The following MYOM3 variants were observed in gnomAD, a reference collection of about 807,000 sequenced individuals.
MYOM3 encodes myomesin-3.
In MYOM3, 155 loss-of-function variants were observed where a neutral mutation model predicts 191.7. That is an observed-to-expected ratio of 0.81 (90% confidence interval 0.71 to 0.92). The LOEUF (loss-of-function observed/expected upper bound fraction) is 0.92. Ranked by LOEUF, MYOM3 falls within the 40% of genes least tolerant of loss-of-function variation. MYOM3 has a pLI of 0.00. For missense variants in MYOM3, 1,889 were observed against 1,890.6 expected, an observed-to-expected ratio of 1.00 and a Z score of 0.02; for synonymous variants, 757 against 762.9, an observed-to-expected ratio of 0.99 and a Z score of 0.13.
Position 24,067,067 on chromosome 1 carries a change from A to G in MYOM3, c.3377T>C (p.Leu1126Ser). 6.3e-7 allele frequency: 1 copy of G among 1,579,112 alleles called. No individual in the cohort carries two copies. The highest frequency in any genetic ancestry group is 8.6e-7 in the Non-Finnish European group (1 of 1,160,240). The part of the protein sequence containing the change: ...RKQGPYFERP[L>S]QWKVTEDCQV... ...GCAGTCCTCCGTGACCTTCCACTGC[A>G]ACGGCCGCTCAAAATAGGGACCTGT... Residue 1126 changes from leucine to serine, a missense_variant, in exon 28 of 37, where the codon TTG becomes TCG. Physicochemically the swap from Leu to Ser is moderately radical, Grantham distance 145. Transcript: ENST00000374434.
intron 11 of MYOM3, 35 bp downstream of exon 11, chr1:24,092,139 C>T (rs200680010): frequency 7.0e-7 from 1 of 1,419,710 alleles, no homozygotes; most frequent in Non-Finnish European, 9.3e-7. Context: ...AGAATTCTAC[C>T]CCTAGGGCCT....
At position 24,093,095 on chromosome 1, in the gene MYOM3, C is replaced by T. The variant is rs1221319320; in HGVS notation, c.942G>A (p.Arg314=). 1.9e-6 allele frequency: 3 copies of T among 1,609,254 alleles called. No homozygotes were observed. Among genetic ancestry groups the T allele is most frequent in the East Asian group, 2.2e-5 (1 of 44,798 alleles). The part of the protein sequence containing the change: ...IQWFRDGSLL[R]SSRRRKILYT... ...AGAGGATCTTCCGACGTCTCGAGGA[C>T]CTCAGTAGGCTCCCTGTGGAGGGGA... The change falls in exon 10 of 37, where the codon AGG becomes AGA. Residue 314 remains arginine (R), a synonymous_variant. Coordinates refer to ENST00000374434, the MANE Select transcript of MYOM3 (RefSeq NM_152372.4).
intron 10 of MYOM3, among the ~76,000 whole-genome samples, 194 bp from the exon 11 acceptor site, chr1:24,092,509 TGG>T (rs1430076714): frequency 6.6e-6 from 1 of 152,166 alleles, no homozygotes; most frequent in Non-Finnish European, 1.5e-5. Flanking sequence ...TACCATTTCT[TGG>T]GGGCCCATTT....
intron 20 of MYOM3, among the ~76,000 whole-genome samples, chr1:24,077,257 C>A (rs893473619): frequency 6.6e-6 from 1 of 152,222 alleles, no homozygotes; most frequent in Non-Finnish European, 1.5e-5. Flanking sequence ...TCTTCTCCCC[C>A]AGTCTGTCTT....
In MYOM3 at chr1:24,057,410, C is replaced by T; in HGVS notation, c.4268G>A (p.Ser1423Asn). 1 of 1,614,140 alleles carries T rather than the reference C, an allele frequency of 6.2e-7. No homozygotes were observed. Reference protein sequence around the residue: ...YGSETGQVTISVFKHGDEPKE... With the variant: ...YGSETGQVTINVFKHGDEPKE... ...GGGCTCGTCCCCGTGCTTGAACACACTGATGGTGACCTGGCCCGTCTCGGA... is the reference window on the plus strand; with the variant it reads ...GGGCTCGTCCCCGTGCTTGAACACATTGATGGTGACCTGGCCCGTCTCGGA... The change falls in exon 37 of 37, where the codon AGT becomes AAT. Residue 1423 changes from serine (S) to asparagine (N), a missense_variant. Ser to Asn is a conservative substitution (Grantham distance 46). Coordinates refer to ENST00000374434, the MANE Select transcript of MYOM3 (RefSeq NM_152372.4).
chr1:24,094,709 CG>C (rs1643869312), intron 9 of MYOM3, 143 bp downstream of exon 9: 1 of 786,250 alleles, frequency 1.3e-6, no homozygotes, highest in African/African-American at 1.7e-5. Flanking sequence ...GCTGCACTCC[CG>C]CTCTCCTCTG....
chr1:24,067,418 C>G (rs1361839573), intron 27 of MYOM3, among the ~76,000 whole-genome samples: 155 of 103,258 alleles, frequency 1.5e-3, no homozygotes, highest in Non-Finnish European at 2.1e-3. Flanking sequence ...TTCCTTCCTT[C>G]CTTCCTTCCT....
chr1:24,061,432 G>A, intron 33 of MYOM3, 123 bp from the exon 34 acceptor site: 4 of 972,862 alleles, frequency 4.1e-6, no homozygotes, highest in South Asian at 1.4e-5. Flanking sequence ...CCATGCCGAT[G>A]TTTCTTTGGG....
At chr1:24,068,536 C>T (rs565629256) in intron 25 of MYOM3, among the ~76,000 whole-genome samples, 169 bp from the exon 26 acceptor site, 10 of 151,936 alleles carry the variant, frequency 6.6e-5, no homozygotes, top group East Asian at 3.9e-4. Context: ...CCTAGTCCCC[C>T]GGGGTGCTTG....
At chr1:24,083,312 G>A (rs901676040) in intron 16 of MYOM3, 4 of 152,230 alleles carry the variant, frequency 2.6e-5, no homozygotes, top group African/African-American at 9.6e-5. Flanking sequence ...TTTCTTCCAT[G>A]TTGGATGCTT....
rs1432393464 is a variant in MYOM3 at position 24,067,108 on chromosome 1, G to A, written c.3356-20C>T. On this transcript the variant is annotated intron_variant, in intron 27 of 36. Transcript: ENST00000374434. ...AGGGACCTGTGCGTGCAAAACAAATGTGCCCACTGTCAGAGAGCCAGGCTC... is the reference window on the plus strand; with the variant it reads ...AGGGACCTGTGCGTGCAAAACAAATATGCCCACTGTCAGAGAGCCAGGCTC... 1.9e-6 allele frequency: 3 copies of A among 1,563,066 alleles called. No homozygotes were observed. Among genetic ancestry groups the A allele is most frequent in the Non-Finnish European group, 1.7e-6 (2 of 1,152,094 alleles).
rs1643586400 is a variant in MYOM3 at position 24,075,535 on chromosome 1, C to T, written c.2702-60G>A. 5.4e-6 allele frequency: 8 copies of T among 1,484,940 alleles called. No individual in the cohort carries two copies. In the South Asian group the frequency reaches 8.3e-5, roughly 15 times the overall value. 92.0% of individuals were successfully genotyped at this position (1,484,940 alleles called of 1,614,324 possible). A position where few individuals can be genotyped will look rare whatever the true frequency, so the allele number is the denominator to read the frequency against. On this transcript the variant is annotated intron_variant, in intron 21 of 36. Transcript: ENST00000374434. Reference sequence around the variant, plus strand: ...TTATGCATAATAAACCAGGTCACACCCCTCCCCTGCTTAAACCTCCAGGGC... The same window carrying T: ...TTATGCATAATAAACCAGGTCACACTCCTCCCCTGCTTAAACCTCCAGGGC...
rs558007343 is a variant in MYOM3 at position 24,091,790 on chromosome 1, C to T, written c.1232+384G>A. Among the ~76,000 whole-genome samples, 21 of 152,322 alleles carry T rather than the reference C, an allele frequency of 1.4e-4. No homozygotes were observed. In the South Asian group the frequency reaches 4.3e-3, roughly 32 times the overall value. ...CTGGAAAAAGGCCGGAGGTTCTGGC[C>T]TCTCTACCTGTTTGCCTCCTCCCTT... On this transcript the variant is annotated intron_variant, in intron 11 of 36. Coordinates refer to ENST00000374434, the MANE Select transcript of MYOM3 (RefSeq NM_152372.4).
chr1:24,060,615 A>G (rs956945855), intron 35 of MYOM3, among the ~76,000 whole-genome samples: 1 of 152,108 alleles, frequency 6.6e-6, no homozygotes, highest in Non-Finnish European at 1.5e-5. Flanking sequence ...GACAAGCTCG[A>G]GCTCATGGAC....
intron 15 of MYOM3, among the ~76,000 whole-genome samples, chr1:24,085,127 T>C (rs1024571772): frequency 1.3e-5 from 2 of 151,610 alleles, no homozygotes; most frequent in Non-Finnish European, 2.9e-5. Flanking sequence ...GATGGATGGA[T>C]GGATGGATGG....
intron 27 of MYOM3, 52 bp downstream of exon 27, chr1:24,067,918 C>T: frequency 6.3e-7 from 1 of 1,579,620 alleles, no homozygotes; most frequent in Non-Finnish European, 8.7e-7. Flanking sequence ...TCCAGCATCT[C>T]TAGCACGAAC....
intron 29 of MYOM3, among the ~76,000 whole-genome samples, chr1:24,065,483 A>G (rs1187198762): frequency 6.6e-6 from 1 of 152,034 alleles, no homozygotes; most frequent in Non-Finnish European, 1.5e-5. Flanking sequence ...CGACTCCTAG[A>G]CTGTTGGGGC....
rs1330826327 is a variant in MYOM3 at position 24,057,309 on chromosome 1, G to T, written c.*55C>A. ...GTGCCAGGCTGTGACCCTGGTACAG[G>T]TTGTCCCTACTGGTCCATGTAGACT... On this transcript the variant is annotated 3_prime_UTR_variant, in exon 37 of 37. Transcript: ENST00000374434. 3 of 1,561,732 alleles carry T rather than the reference G, an allele frequency of 1.9e-6. No individual in the cohort carries two copies. Among genetic ancestry groups the T allele is most frequent in the Non-Finnish European group, 2.6e-6 (3 of 1,145,854 alleles).
intron 25 of MYOM3, among the ~76,000 whole-genome samples, chr1:24,070,636 G>A (rs1643519470): frequency 6.6e-6 from 1 of 152,100 alleles, no homozygotes; most frequent in South Asian, 2.1e-4. Context: ...TTGGGAGACT[G>A]AGGCAGAAGG....
Sources: allele counts gnomAD v4.1 joint callset (sites outside exome capture counted in the v4.1 genomes callset), GRCh38; gene constraint gnomAD v4.1.1; transcripts MANE v1.5; gene names NCBI Gene and HGNC (gene_info 2026-07-23, HGNC 2026-07-21).